The following IFT74 variants were observed in gnomAD, a reference collection of about 807,000 sequenced individuals.
The protein encoded by IFT74 is intraflagellar transport protein 74 homolog.
Under a neutral mutation model 96.7 loss-of-function variants are expected in IFT74, and 92 were observed. That is an observed-to-expected ratio of 0.95 (90% CI 0.80 to 1.13). The LOEUF is 1.13. Among genes scored for constraint, IFT74 ranks in the 50% most tolerant of loss-of-function variants. The pLI, the probability that IFT74 is intolerant of heterozygous loss-of-function variation, is 0.00. For synonymous variants in IFT74, 223 were observed against 213.2 expected, an observed-to-expected ratio of 1.05 and a Z score of -0.40; for missense variants, 811 against 698.2, an observed-to-expected ratio of 1.16 and a Z score of -1.82.
chr9:27,014,003 C>G (rs926434541), intron 10 of IFT74, among the ~76,000 whole-genome samples: 6 of 152,146 alleles, frequency 3.9e-5, no homozygotes, highest in African/African-American at 1.2e-4. Context: ...ATCACAAGGT[C>G]AGGAGATCGA....
chr9:27,019,103 C>T (rs1587363308), intron 12 of IFT74, among the ~76,000 whole-genome samples: 2 of 152,192 alleles, frequency 1.3e-5, no homozygotes, highest in South Asian at 4.2e-4. Context: ...TACAGGCACA[C>T]ACCACCATAT....
upstream of IFT74, among the ~76,000 whole-genome samples, chr9:26,953,115 G>A (rs1344790081): frequency 6.6e-6 from 1 of 152,168 alleles, no homozygotes; most frequent in Non-Finnish European, 1.5e-5. Flanking sequence ...CGGGCCATAA[G>A]TTAGGGTATT....
At chr9:26,980,507 T>C in intron 3 of IFT74, 64 bp from the exon 4 acceptor site, 1 of 960,386 alleles carries the variant, frequency 1.0e-6, no homozygotes, top group Non-Finnish European at 1.7e-6. Context: ...CTGATTGTGC[T>C]TTGGATTTGC....
chr9:27,029,169 C>G (rs1290447249), intron 13 of IFT74, 65 bp downstream of exon 13: 1 of 1,272,666 alleles, frequency 7.9e-7, no homozygotes, highest in Non-Finnish European at 1.1e-6. Flanking sequence ...ATAGTGTTAA[C>G]TGGTGTCTCA....
Position 26,971,063 on chromosome 9 carries a change from A to C in IFT74, c.121-7065A>C, listed in dbSNP as rs1826856583. 2.0e-5 allele frequency among the ~76,000 whole-genome samples: 3 copies of C among 152,188 alleles called. No individual in the cohort carries two copies. In the South Asian group the frequency reaches 6.2e-4, roughly 31 times the overall value. Reference sequence around the variant, plus strand: ...TTCATTGTCTGAATCAATGTTTTCTATTAGTCTAAACCTGGGTATGATGTT... The same window carrying C: ...TTCATTGTCTGAATCAATGTTTTCTCTTAGTCTAAACCTGGGTATGATGTT... On this transcript the variant is annotated intron_variant, in intron 2 of 19. Coordinates refer to ENST00000380062, the MANE Select transcript of IFT74 (RefSeq NM_025103.4).
intron 8 of IFT74, chr9:26,995,648 T>A (rs1828110398): frequency 6.2e-7 from 1 of 1,613,780 alleles, no homozygotes; most frequent in Non-Finnish European, 8.5e-7. Flanking sequence ...TTCTGGTATC[T>A]GTGAAAGAGA....
intron 8 of IFT74, among the ~76,000 whole-genome samples, chr9:26,999,876 G>T (rs1446761066): frequency 6.8e-6 from 1 of 145,994 alleles, no homozygotes; most frequent in African/African-American, 2.6e-5. Flanking sequence ...GGCTTAAGCA[G>T]TCCTCCCAAC....
chr9:27,023,082 T>C (rs1355772976), intron 12 of IFT74, among the ~76,000 whole-genome samples: 1 of 152,192 alleles, frequency 6.6e-6, no homozygotes, highest in African/African-American at 2.4e-5. Context: ...GTTTCCTAGT[T>C]ATATGATCAT....
At chr9:27,003,670 C>T (rs998534311) in intron 8 of IFT74, among the ~76,000 whole-genome samples, 2 of 152,108 alleles carry the variant, frequency 1.3e-5, no homozygotes, top group African/African-American at 2.4e-5. Flanking sequence ...TTTGTTGATC[C>T]ATTTATGCAC....
At chr9:27,022,344 G>T (rs1029426849) in intron 12 of IFT74, among the ~76,000 whole-genome samples, 4 of 152,088 alleles carry the variant, frequency 2.6e-5, no homozygotes, top group African/African-American at 9.6e-5. Context: ...ATGAATTTTG[G>T]ATTTTTTTTT....
intron 8 of IFT74, 126 bp from the exon 9 acceptor site, chr9:27,008,894 T>C (rs752655822): frequency 1.6e-5 from 12 of 731,972 alleles, no homozygotes; most frequent in Non-Finnish European, 2.5e-5. Flanking sequence ...ATAAAGACTT[T>C]TCAGTCACAC....
chr9:26,951,900 A>C (rs1825947767), upstream of IFT74, among the ~76,000 whole-genome samples: 1 of 152,236 alleles, frequency 6.6e-6, no homozygotes, highest in Non-Finnish European at 1.5e-5. Context: ...TCTCTCAAAA[A>C]AAAACAAGTG....
At chr9:26,993,491 AT>A in intron 8 of IFT74, 1 of 152,530 alleles carries the variant, frequency 6.6e-6, no homozygotes, top group Non-Finnish European at 1.5e-5. Flanking sequence ...AAGTTCTTCT[AT>A]TTTACAGGTA....
At position 27,059,198 on chromosome 9, in the gene IFT74, T is replaced by C. The variant is rs1237263615; in HGVS notation, c.1624-1393T>C. Among the ~76,000 whole-genome samples the C allele has an allele frequency of 2.6e-5, 4 of 152,244 alleles. No individual in the cohort carries two copies. In the East Asian group the frequency reaches 5.8e-4, roughly 22 times the overall value. ...CACAATTTCGAATCCTTCTCTGTGT[T>C]ATTTGTCATCTTTTGTGAATCCCAA... On this transcript the variant is annotated intron_variant, in intron 18 of 19. Transcript: ENST00000380062.
chr9:26,974,694 G>A (rs1017100800), intron 2 of IFT74, among the ~76,000 whole-genome samples: 1 of 152,096 alleles, frequency 6.6e-6, no homozygotes, highest in African/African-American at 2.4e-5. Flanking sequence ...GCAGCCCTAC[G>A]GTTATGCTTT....
chr9:27,014,745 A>G (rs2034310570), intron 10 of IFT74, among the ~76,000 whole-genome samples: 1 of 152,098 alleles, frequency 6.6e-6, no homozygotes. Flanking sequence ...GAGTAGTGGG[A>G]TTACAAGCGT....
intron 7 of IFT74, among the ~76,000 whole-genome samples, chr9:26,989,059 AT>A (rs1178389898): frequency 1.3e-5 from 2 of 152,222 alleles, no homozygotes; most frequent in African/African-American, 4.8e-5. Context: ...ACAAATGTTG[AT>A]GAATACTCAA....
At chr9:27,031,695 G>T (rs13289309) in intron 13 of IFT74, among the ~76,000 whole-genome samples, 1 of 135,742 alleles carries the variant, frequency 7.4e-6, no homozygotes, top group Non-Finnish European at 1.5e-5. Flanking sequence ...AAACTCCTGG[G>T]CTCAAGTGAT....
intron 8 of IFT74, among the ~76,000 whole-genome samples, chr9:27,003,046 GC>G (rs1369472426): frequency 1.3e-5 from 2 of 151,954 alleles, no homozygotes; most frequent in Non-Finnish European, 2.9e-5. Context: ...ATTCTTTGTA[GC>G]TATCGTAAAC....
Sources: allele counts gnomAD v4.1 joint callset (sites outside exome capture counted in the v4.1 genomes callset), GRCh38; gene constraint gnomAD v4.1.1; transcripts MANE v1.5; gene names NCBI Gene and HGNC (gene_info 2026-07-23, HGNC 2026-07-21).